Variants in FBXO40 observed in about 807,000 individuals in gnomAD.
FBXO40 encodes the protein F-box protein 40.
A neutral mutation model predicts 49.9 loss-of-function variants in FBXO40; 50 were observed. The observed-to-expected ratio is 1.00, with a 90% CI of 0.80 to 1.27. The LOEUF (loss-of-function observed/expected upper bound fraction) is 1.27, where lower values mean the gene tolerates loss of function less well. Ranked by LOEUF, FBXO40 falls within the 50% of genes most tolerant of loss-of-function variation. The pLI, the probability that FBXO40 is intolerant of heterozygous loss-of-function variation, is 0.00. For synonymous variants in FBXO40, 340 were observed against 320.2 expected, an observed-to-expected ratio of 1.06 and a Z score of -0.66; for missense variants, 895 against 870.1, an observed-to-expected ratio of 1.03 and a Z score of -0.36.
chr3:121,596,988 C>T (rs2048875886), intron 1 of FBXO40, among the ~76,000 whole-genome samples: 1 of 152,104 alleles, frequency 6.6e-6, no homozygotes, highest in Non-Finnish European at 1.5e-5. Flanking sequence ...TTGGTGGGTC[C>T]TTAAGAAGTA....
rs561486418 is a variant in FBXO40, at chr3:121,628,137, T to G, written c.*1227T>G. The G allele has an allele frequency of 5.1e-6, 2 of 391,688 alleles. No individual in the cohort carries two copies. The highest frequency in any genetic ancestry group is 7.2e-5 in the East Asian group (2 of 27,658). 24.3% of individuals were successfully genotyped at this position (391,688 alleles called of 1,614,324 possible). On this transcript the variant is annotated 3_prime_UTR_variant, in exon 4 of 4. Transcript: ENST00000338040. ...TCCCCTAAAGCAGGGCTTCTTAGCC[T>G]TGGAACTATTGACATTTTTAAATGG...
chr3:121,597,261 C>A (rs1325532590), intron 1 of FBXO40, among the ~76,000 whole-genome samples: 2 of 152,030 alleles, frequency 1.3e-5, no homozygotes, highest in Non-Finnish European at 2.9e-5. Flanking sequence ...AACAAAGATG[C>A]CTTCAAGTTG....
chr3:121,597,661 T>C (rs1157179869), intron 1 of FBXO40, among the ~76,000 whole-genome samples: 34 of 78,302 alleles, frequency 4.3e-4, no homozygotes, highest in Admixed American at 1.2e-3. Flanking sequence ...TAGGCCCCCT[T>C]TTTTTTTTTT....
At chr3:121,613,630 C>CT (rs1026660997) in intron 1 of FBXO40, among the ~76,000 whole-genome samples, 1 of 152,154 alleles carries the variant, frequency 6.6e-6, no homozygotes, top group African/African-American at 2.4e-5. Context: ...ATAAAAGAGG[C>CT]TTTTTTCTTA....
chr3:121,594,016 C>A (rs2048856868), intron 1 of FBXO40, among the ~76,000 whole-genome samples: 1 of 152,032 alleles, frequency 6.6e-6, no homozygotes, highest in African/African-American at 2.4e-5. Flanking sequence ...CAGGCACATG[C>A]CACCACATCC....
intron 1 of FBXO40, among the ~76,000 whole-genome samples, chr3:121,606,577 T>C (rs1246520044): frequency 6.6e-6 from 1 of 152,182 alleles, no homozygotes; most frequent in Non-Finnish European, 1.5e-5. Context: ...ACAATGCATT[T>C]TGCACTTGTC....
intron 1 of FBXO40, among the ~76,000 whole-genome samples, chr3:121,597,722 C>T (rs4676734): frequency 0.36 from 51,807 of 144,406 alleles, 9,616 homozygotes; most frequent in East Asian, 0.64. Flanking sequence ...AGTGCAGTGG[C>T]ATGATCTTGG....
chr3:121,611,027 A>G lies in FBXO40; in HGVS notation c.-30-9519A>G, dbSNP rs146178698. 2.1e-3 allele frequency among the ~76,000 whole-genome samples: 324 copies of G among 152,358 alleles called. 3 individuals are homozygous for G. The highest frequency in any genetic ancestry group is 7.5e-3 in the African/African-American group (313 of 41,596). On this transcript the variant is annotated intron_variant, in intron 1 of 3. Coordinates refer to ENST00000338040, the MANE Select transcript of FBXO40 (RefSeq NM_016298.4). ...ATCTGCATATGCTTTAACAGCTCCC[A>G]TAATATGCTGCTTTTCTTCTTCTGT...
At chr3:121,612,383 G>A (rs747202364) in intron 1 of FBXO40, among the ~76,000 whole-genome samples, 3 of 152,026 alleles carry the variant, frequency 2.0e-5, no homozygotes, top group Non-Finnish European at 2.9e-5. Flanking sequence ...GCAGGACATC[G>A]GACAACCCCA....
At chr3:121,626,034 A>C (rs77674494) in intron 3 of FBXO40, among the ~76,000 whole-genome samples, 712 of 152,370 alleles carry the variant, frequency 4.7e-3, no homozygotes, top group Non-Finnish European at 6.2e-3. Context: ...TATGAGTTAC[A>C]ATACTTTAAT....
intron 2 of FBXO40, 42 bp from the exon 3 acceptor site, chr3:121,621,390 CA>C: frequency 6.5e-7 from 1 of 1,531,808 alleles, no homozygotes; most frequent in Non-Finnish European, 8.9e-7. Flanking sequence ...AGCTTCTCCT[CA>C]GTATTCATTT....
At chr3:121,599,684 A>ATG (rs2048891249) in intron 1 of FBXO40, among the ~76,000 whole-genome samples, 2 of 79,862 alleles carry the variant, frequency 2.5e-5, no homozygotes, top group South Asian at 7.5e-4. Flanking sequence ...GCACACACAC[A>ATG]CACACACACA....
chr3:121,600,111 G>A (rs187510868), intron 1 of FBXO40, among the ~76,000 whole-genome samples: 2 of 150,532 alleles, frequency 1.3e-5, no homozygotes, highest in South Asian at 2.1e-4. Context: ...GCTCACTGTA[G>A]CTTCAATCTC....
chr3:121,599,097 G>A (rs2048887379), intron 1 of FBXO40, among the ~76,000 whole-genome samples: 2 of 152,156 alleles, frequency 1.3e-5, no homozygotes, highest in East Asian at 1.9e-4. Flanking sequence ...AAAATGTGTT[G>A]ACCATATATT....
intron 3 of FBXO40, 51 bp from the exon 4 acceptor site, chr3:121,626,644 C>T (rs564889763): frequency 6.5e-7 from 1 of 1,546,976 alleles, no homozygotes; most frequent in Admixed American, 1.7e-5. Context: ...TAAAGCCAGC[C>T]AGAGGGTAAC....
At chr3:121,594,449 C>T (rs996294916) in intron 1 of FBXO40, among the ~76,000 whole-genome samples, 1 of 152,210 alleles carries the variant, frequency 6.6e-6, no homozygotes, top group Non-Finnish European at 1.5e-5. Context: ...GATCCACCCG[C>T]TTCGGCCTCC....
intron 1 of FBXO40, among the ~76,000 whole-genome samples, chr3:121,613,898 C>A (rs1444855881): frequency 6.6e-6 from 1 of 152,218 alleles, no homozygotes; most frequent in East Asian, 1.9e-4. Context: ...TTTGGGAGGC[C>A]GAGGTGGGCA....
At chr3:121,618,322 A>C (rs1340872122) in intron 1 of FBXO40, among the ~76,000 whole-genome samples, 1 of 151,658 alleles carries the variant, frequency 6.6e-6, no homozygotes, top group Non-Finnish European at 1.5e-5. Context: ...ATTCTTAGGA[A>C]GTACAAGCTG....
intron 1 of FBXO40, among the ~76,000 whole-genome samples, chr3:121,610,442 T>C (rs572445791): frequency 3.3e-5 from 5 of 152,272 alleles, no homozygotes; most frequent in Admixed American, 1.3e-4. Flanking sequence ...CTGTCCCTCC[T>C]TGGAGTCAGG....
Sources: allele counts gnomAD v4.1 joint callset (sites outside exome capture counted in the v4.1 genomes callset), GRCh38; gene constraint gnomAD v4.1.1; transcripts MANE v1.5; gene names NCBI Gene and HGNC (gene_info 2026-07-23, HGNC 2026-07-21).